Variants in SEL1L2 observed in about 807,000 individuals in gnomAD.
SEL1L2 encodes the protein SEL1L2 adaptor subunit of SYVN1 ubiquitin ligase.
A neutral mutation model predicts 98.8 loss-of-function variants in SEL1L2; 89 were observed. That is an observed-to-expected ratio of 0.90 (90% CI 0.76 to 1.07). SEL1L2 has a LOEUF of 1.07. Ranked by LOEUF, SEL1L2 falls within the 50% of genes least tolerant of loss-of-function variation. SEL1L2 has a pLI of 0.00. For missense variants in SEL1L2, 788 were observed against 812.0 expected (o/e 0.97, Z 0.36); for synonymous variants, 262 against 278.5 (o/e 0.94, Z 0.59).
chr20:13,904,168 C>T (rs1390070365), intron 5 of SEL1L2, among the ~76,000 whole-genome samples: 2 of 152,146 alleles, frequency 1.3e-5, no homozygotes, highest in South Asian at 2.1e-4. Context: ...AACATTATAG[C>T]TCTAACATGC....
intron 4 of SEL1L2, among the ~76,000 whole-genome samples, chr20:13,915,421 G>T (rs536549515): frequency 6.6e-6 from 1 of 152,318 alleles, no homozygotes; most frequent in East Asian, 1.9e-4. Flanking sequence ...CACCCAGAGA[G>T]AGGCAACAGG....
intron 1 of SEL1L2, among the ~76,000 whole-genome samples, chr20:13,984,563 T>G (rs1014798648): frequency 2.6e-5 from 4 of 152,208 alleles, no homozygotes; most frequent in African/African-American, 9.6e-5. Flanking sequence ...TCATTGTTTC[T>G]TGTTTGGACC....
chr20:13,850,412 A>C (rs1480643556), intron 18 of SEL1L2, 93 bp from the exon 19 acceptor site: 2 of 1,381,956 alleles, frequency 1.4e-6, no homozygotes, highest in Non-Finnish European at 2.0e-6. Context: ...TTAAGGTTAC[A>C]GGTCTTAAGA....
chr20:13,895,335 T>C (rs1013693144), intron 5 of SEL1L2, among the ~76,000 whole-genome samples: 1 of 151,062 alleles, frequency 6.6e-6, no homozygotes, highest in African/African-American at 2.4e-5. Context: ...CCCAGCTACT[T>C]GGGAGGCTGT....
chr20:13,948,554 C>G (rs954724758), intron 2 of SEL1L2, among the ~76,000 whole-genome samples: 4 of 152,142 alleles, frequency 2.6e-5, no homozygotes, highest in Admixed American at 2.6e-4. Flanking sequence ...TAGCCATGTG[C>G]AAAAGGATGA....
chr20:13,936,750 C>G (rs2049473616), intron 2 of SEL1L2, among the ~76,000 whole-genome samples: 1 of 152,150 alleles, frequency 6.6e-6, no homozygotes, highest in Non-Finnish European at 1.5e-5. Context: ...TATATTAAGC[C>G]CTTTTTCTAT....
At chr20:13,918,913 G>C in intron 4 of SEL1L2, 108 bp downstream of exon 4, 1 of 706,800 alleles carries the variant, frequency 1.4e-6, no homozygotes, top group East Asian at 2.6e-5. Context: ...TGGGCAAATA[G>C]GCTTACTCAT....
chr20:13,918,671 T>C (rs1173303823), intron 4 of SEL1L2, among the ~76,000 whole-genome samples: 1 of 152,232 alleles, frequency 6.6e-6, no homozygotes, highest in African/African-American at 2.4e-5. Context: ...AGTAAAGCAT[T>C]TTTAATACAA....
intron 17 of SEL1L2, among the ~76,000 whole-genome samples, chr20:13,861,337 G>A (rs1600485158): frequency 6.6e-6 from 1 of 151,758 alleles, no homozygotes; most frequent in South Asian, 2.1e-4. Context: ...CAACATGCCC[G>A]TATTCACCAT....
intron 3 of SEL1L2, among the ~76,000 whole-genome samples, chr20:13,925,478 T>C (rs192988181): frequency 2.2e-4 from 33 of 152,356 alleles, no homozygotes; most frequent in Non-Finnish European, 3.7e-4. Flanking sequence ...TTCCTTGATA[T>C]TTGCCTACGA....
chr20:13,889,194 G>C (rs979298101), intron 5 of SEL1L2, among the ~76,000 whole-genome samples: 1 of 151,108 alleles, frequency 6.6e-6, no homozygotes, highest in Non-Finnish European at 1.5e-5. Flanking sequence ...ACCAGATGGG[G>C]TTTCATCTAA....
At chr20:13,859,041 C>T (rs1989620694) in intron 18 of SEL1L2, among the ~76,000 whole-genome samples, 1 of 152,214 alleles carries the variant, frequency 6.6e-6, no homozygotes, top group African/African-American at 2.4e-5. Context: ...TTCTACTCAC[C>T]AGTTATGTCC....
intron 14 of SEL1L2, among the ~76,000 whole-genome samples, chr20:13,867,596 G>A (rs1408644107): frequency 6.6e-6 from 1 of 152,130 alleles, no homozygotes; most frequent in Non-Finnish European, 1.5e-5. Context: ...GTGATCCTGG[G>A]CAAGATGTCC....
chr20:13,867,570 C>G (rs916498587), intron 14 of SEL1L2, among the ~76,000 whole-genome samples: 3 of 152,134 alleles, frequency 2.0e-5, no homozygotes, highest in African/African-American at 7.2e-5. Flanking sequence ...AATTTGAATT[C>G]CAGCTCCACA....
In SEL1L2 at chr20:13,886,342, C is replaced by T. The variant is rs1425725274; in HGVS notation, c.846G>A (p.Trp282Ter). ...AAAATTTATAGTATTGGTATATGTC[C>T]CAATCCAAAATCTCACTGTTAGAAC... The part of the protein sequence containing the change: ...NLSSNSEILD[W>*]DIYQYYKFLA... Residue 282 changes from tryptophan to a stop codon, truncating the protein, a stop_gained, in exon 9 of 20, where the codon TGG becomes TGA. Transcript: ENST00000284951. LOFTEE classifies it high-confidence loss of function. The T allele has an allele frequency of 6.2e-7, 1 of 1,613,260 alleles. No homozygotes were observed.
intron 5 of SEL1L2, among the ~76,000 whole-genome samples, chr20:13,904,995 G>C (rs962792458): frequency 6.6e-6 from 1 of 152,178 alleles, no homozygotes; most frequent in Non-Finnish European, 1.5e-5. Context: ...AAGTTGTGAA[G>C]TGGGTTGTGT....
At chr20:13,905,661 T>C (rs2047894587) in intron 5 of SEL1L2, among the ~76,000 whole-genome samples, 1 of 152,118 alleles carries the variant, frequency 6.6e-6, no homozygotes, top group African/African-American at 2.4e-5. Context: ...AACTTTACAA[T>C]AGTCCATTTT....
At chr20:13,950,787 A>G (rs1208978160) in intron 2 of SEL1L2, among the ~76,000 whole-genome samples, 1 of 152,134 alleles carries the variant, frequency 6.6e-6, no homozygotes, top group African/African-American at 2.4e-5. Context: ...TACTTTCCCA[A>G]TGAGAATGTG....
chr20:13,950,205 T>C (rs6042451), intron 2 of SEL1L2, among the ~76,000 whole-genome samples: 146,832 of 152,134 alleles, frequency 0.97, 70,973 homozygotes, highest in East Asian at 1. Flanking sequence ...TTTTTTTTAA[T>C]GGATATAGAG....
Sources: allele counts gnomAD v4.1 joint callset (sites outside exome capture counted in the v4.1 genomes callset), GRCh38; gene constraint gnomAD v4.1.1; transcripts MANE v1.5; gene names NCBI Gene and HGNC (gene_info 2026-07-23, HGNC 2026-07-21).